The following NCAM2 variants were observed in gnomAD, a reference collection of about 807,000 sequenced individuals.
The protein encoded by NCAM2 is N-CAM-2.
Under a neutral mutation model 98.1 loss-of-function variants are expected in NCAM2, and 30 were observed. That is an observed-to-expected ratio of 0.31 (90% CI 0.23 to 0.41). The LOEUF (loss-of-function observed/expected upper bound fraction) is 0.41, where lower values mean the gene tolerates loss of function less well. Ranked by LOEUF, NCAM2 falls within the 10% of genes least tolerant of loss-of-function variation. The pLI is 1.00. For missense variants in NCAM2, 867 were observed against 1,005.8 expected (o/e 0.86, Z 1.87); for synonymous variants, 368 against 342.4 (o/e 1.07, Z -0.83).
At position 21,330,591 on chromosome 21, in the gene NCAM2, A is replaced by T. The variant is rs189723556; in HGVS notation, c.738-4914A>T. On this transcript the variant is annotated intron_variant, in intron 6 of 17. Coordinates refer to ENST00000400546, the MANE Select transcript of NCAM2 (RefSeq NM_004540.5). ...TATGGAGAAATCCCTAATATTAAAT[A>T]GATCAACTCCCTTGATAGTATTGTG... 3.9e-5 allele frequency among the ~76,000 whole-genome samples: 6 copies of T among 152,254 alleles called. No individual in the cohort carries two copies. The East Asian group carries it at 1.2e-3, about 29-fold the overall frequency.
chr21:21,404,230 A>G (rs2076690759), intron 9 of NCAM2, among the ~76,000 whole-genome samples: 1 of 152,194 alleles, frequency 6.6e-6, no homozygotes, highest in Non-Finnish European at 1.5e-5. Context: ...ATATGTGTGT[A>G]AACAATATCA....
intron 1 of NCAM2, among the ~76,000 whole-genome samples, chr21:21,214,705 AGTAAATATATATATTCCAT>A (rs1218668474): frequency 1.2e-5 from 1 of 83,008 alleles, no homozygotes; most frequent in Non-Finnish European, 2.6e-5. Flanking sequence ...TATCAGGGGG[AGTAAATATATATATTCCAT>A]ATATATATAT....
chr21:21,512,948 T>C lies in NCAM2; in HGVS notation c.2282+3893T>C, dbSNP rs550411376. 1.2e-4 allele frequency among the ~76,000 whole-genome samples: 19 copies of C among 152,242 alleles called. No individual in the cohort carries two copies. The South Asian group carries it at 3.7e-3, about 30-fold the overall frequency. On this transcript the variant is annotated intron_variant, in intron 16 of 17. Coordinates refer to ENST00000400546, the MANE Select transcript of NCAM2 (RefSeq NM_004540.5). ...ACGTTGATTTTTTATCCTGAAACAT[T>C]ACTGAATATATTTGTTAGTTCTAAT...
intron 1 of NCAM2, among the ~76,000 whole-genome samples, chr21:21,275,804 T>A (rs2147463852): frequency 6.6e-6 from 1 of 152,332 alleles, no homozygotes; most frequent in East Asian, 1.9e-4. Context: ...TTATCTCCCT[T>A]CATTCAATTT....
At chr21:21,129,354 AT>A (rs2066889699) in intron 1 of NCAM2, among the ~76,000 whole-genome samples, 2 of 152,326 alleles carry the variant, frequency 1.3e-5, no homozygotes, top group Middle Eastern at 3.4e-3. Context: ...CAAATGTCTT[AT>A]TAATTTAATT....
chr21:21,343,946 C>T (rs920428265), intron 8 of NCAM2, among the ~76,000 whole-genome samples: 6 of 152,096 alleles, frequency 3.9e-5, no homozygotes, highest in African/African-American at 1.4e-4. Flanking sequence ...CATCTTCCCT[C>T]CCCTAACCCC....
chr21:21,024,173 G>A (rs2064494282), intron 1 of NCAM2, among the ~76,000 whole-genome samples: 1 of 152,226 alleles, frequency 6.6e-6, no homozygotes, highest in South Asian at 2.1e-4. Context: ...GTGCATGAAT[G>A]CTGACAATCT....
At chr21:21,515,289 C>A (rs1988647975) in intron 16 of NCAM2, among the ~76,000 whole-genome samples, 1 of 152,130 alleles carries the variant, frequency 6.6e-6, no homozygotes, top group African/African-American at 2.4e-5. Context: ...GAGGGCTATT[C>A]ATGAGGGTCA....
At chr21:21,163,774 A>G (rs1216210386) in intron 1 of NCAM2, among the ~76,000 whole-genome samples, 1 of 152,128 alleles carries the variant, frequency 6.6e-6, no homozygotes, top group Non-Finnish European at 1.5e-5. Context: ...CATCACTGCT[A>G]TTTTTCAGAT....
intron 1 of NCAM2, among the ~76,000 whole-genome samples, chr21:21,205,140 C>G (rs1205348556): frequency 1.3e-5 from 2 of 152,166 alleles, no homozygotes; most frequent in African/African-American, 4.8e-5. Flanking sequence ...TTCTCCTAAT[C>G]TACCATTAAT....
At chr21:21,485,491 A>C (rs1602477757) in intron 15 of NCAM2, among the ~76,000 whole-genome samples, 9 of 152,300 alleles carry the variant, frequency 5.9e-5, no homozygotes, top group Admixed American at 4.6e-4. Flanking sequence ...TTGAGATTGG[A>C]ACTAGATTCC....
At position 21,432,539 on chromosome 21, in the gene NCAM2, G is replaced by A. The variant is rs146840701; in HGVS notation, c.1654+258G>A. On this transcript the variant is annotated intron_variant, in intron 12 of 17. Coordinates refer to ENST00000400546, the MANE Select transcript of NCAM2 (RefSeq NM_004540.5). ...GGAAGAAGTCACTTTAAAAAAATTC[G>A]TTGGTGGAAAGGCAATTGCTCACAT... 6.5e-3 allele frequency among the ~76,000 whole-genome samples: 980 copies of A among 150,580 alleles called. 6 individuals are homozygous for A. The highest frequency in any genetic ancestry group is 0.01 in the Non-Finnish European group (694 of 67,782).
Position 21,411,067 on chromosome 21 carries a change from T to C in NCAM2, c.1383+606T>C, listed in dbSNP as rs1237762136. Among the ~76,000 whole-genome samples, 117 of 64,188 alleles carry C rather than the reference T, an allele frequency of 1.8e-3. 2 individuals carry two copies. Among genetic ancestry groups the C allele is most frequent in the Middle Eastern group, 8.6e-3 (1 of 116 alleles). The allele number at this position is 64,188 out of a possible 152,430, so 42.1% of individuals were successfully genotyped here. Reference sequence around the variant, plus strand: ...ATATATGTGTGTGTATATATATATATATACACACACATATATATATGTGTG... The same window carrying C: ...ATATATGTGTGTGTATATATATATACATACACACACATATATATATGTGTG... On this transcript the variant is annotated intron_variant, in intron 10 of 17. Coordinates refer to ENST00000400546, the MANE Select transcript of NCAM2 (RefSeq NM_004540.5).
chr21:21,296,200 A>T (rs1005361754), intron 5 of NCAM2, among the ~76,000 whole-genome samples: 1 of 151,742 alleles, frequency 6.6e-6, no homozygotes, highest in African/African-American at 2.4e-5. Context: ...AAAGTCCTTT[A>T]TTGTTTATGG....
chr21:21,366,795 A>C (rs538324355), intron 8 of NCAM2, among the ~76,000 whole-genome samples: 1 of 152,158 alleles, frequency 6.6e-6, no homozygotes, highest in African/African-American at 2.4e-5. Context: ...AATAGTTATC[A>C]ATACTTTTCC....
At chr21:21,450,265 A>G (rs1424560343) in intron 12 of NCAM2, among the ~76,000 whole-genome samples, 4 of 151,890 alleles carry the variant, frequency 2.6e-5, no homozygotes, top group Non-Finnish European at 5.9e-5. Context: ...GTATGTGTGT[A>G]TATATATACT....
At chr21:21,535,810 T>A (rs1989950565) in intron 17 of NCAM2, among the ~76,000 whole-genome samples, 1 of 152,120 alleles carries the variant, frequency 6.6e-6, no homozygotes, top group African/African-American at 2.4e-5. Context: ...ATTTCACAAT[T>A]ATAGAAAATT....
At chr21:21,450,793 T>TGTATACACAC (rs751489970) in intron 12 of NCAM2, among the ~76,000 whole-genome samples, 8 of 143,532 alleles carry the variant, frequency 5.6e-5, no homozygotes, top group African/African-American at 1.8e-4. Context: ...TATGTATGTA[T>TGTATACACAC]ACACACACAC....
chr21:21,078,010 C>G (rs1438245531), intron 1 of NCAM2, among the ~76,000 whole-genome samples: 1 of 151,846 alleles, frequency 6.6e-6, no homozygotes, highest in Non-Finnish European at 1.5e-5. Flanking sequence ...GAAATAGTAC[C>G]AAAATAATCT....
Sources: allele counts gnomAD v4.1 joint callset (sites outside exome capture counted in the v4.1 genomes callset), GRCh38; gene constraint gnomAD v4.1.1; transcripts MANE v1.5; gene names NCBI Gene and HGNC (gene_info 2026-07-23, HGNC 2026-07-21).